DLGAP5: variants seen among roughly 807,000 people sequenced by gnomAD.
DLGAP5 encodes the protein DLG associated protein 5.
DLGAP5 carries 90 observed loss-of-function variants against 99.6 expected under a neutral mutation model. The observed-to-expected ratio is 0.90, with a 90% CI of 0.76 to 1.08. The LOEUF (loss-of-function observed/expected upper bound fraction) is 1.08, where lower values mean the gene tolerates loss of function less well. Ranked by LOEUF, DLGAP5 falls within the 50% of genes least tolerant of loss-of-function variation. DLGAP5 has a pLI of 0.00. For missense variants in DLGAP5, 1,036 were observed against 983.5 expected, an observed-to-expected ratio of 1.05 and a Z score of -0.71; for synonymous variants, 311 against 321.3, an observed-to-expected ratio of 0.97 and a Z score of 0.34.
At chr14:55,188,201 A>G (rs1022429662) in intron 2 of DLGAP5, among the ~76,000 whole-genome samples, 1 of 152,172 alleles carries the variant, frequency 6.6e-6, no homozygotes, top group African/African-American at 2.4e-5. Flanking sequence ...ATATGAACAC[A>G]ACAAATAGGA....
At chr14:55,158,314 A>T (rs773127703) in intron 14 of DLGAP5, among the ~76,000 whole-genome samples, 3 of 152,220 alleles carry the variant, frequency 2.0e-5, no homozygotes, top group Non-Finnish European at 2.9e-5. Context: ...GACTTATCGC[A>T]CTTAAACTAA....
chr14:55,170,654 C>T, intron 11 of DLGAP5, 48 bp downstream of exon 11: 1 of 1,434,176 alleles, frequency 7.0e-7, no homozygotes, highest in Non-Finnish European at 9.8e-7. Context: ...ATAAACGTAA[C>T]CATAGTAAAA....
At chr14:55,161,228 C>T (rs997712661) in intron 13 of DLGAP5, among the ~76,000 whole-genome samples, 13 of 151,944 alleles carry the variant, frequency 8.6e-5, no homozygotes, top group Admixed American at 8.5e-4. Flanking sequence ...AGGACATAGC[C>T]ATGATCTGCA....
At chr14:55,189,902 G>C (rs1883553499) in intron 1 of DLGAP5, among the ~76,000 whole-genome samples, 1 of 152,136 alleles carries the variant, frequency 6.6e-6, no homozygotes, top group South Asian at 2.1e-4. Flanking sequence ...AGGTTGTGAG[G>C]TGGGGCTGAA....
intron 6 of DLGAP5, 59 bp from the exon 7 acceptor site, chr14:55,179,758 G>A (rs951881612): frequency 2.2e-6 from 3 of 1,388,236 alleles, no homozygotes; most frequent in African/African-American, 2.9e-5. Context: ...AAAATACTAG[G>A]TAACTTGGGA....
In DLGAP5 at chr14:55,181,271, T is replaced by A; in HGVS notation, c.522A>T (p.Ala174=). ...TKIDNESDVR[A]IRPGPRQTSE... is the part of the protein sequence containing the mutation. Reference sequence around the variant, plus strand: ...AAGTTTGTCTTGGACCAGGTCGGATTGCTCGAACATCACTCTCGTTATCAA... The same window carrying A: ...AAGTTTGTCTTGGACCAGGTCGGATAGCTCGAACATCACTCTCGTTATCAA... The change falls in exon 5 of 19, where the codon GCA becomes GCT. Residue 174 remains alanine (A), a synonymous_variant. Coordinates refer to ENST00000247191, the MANE Select transcript of DLGAP5 (RefSeq NM_014750.5). 2 of 1,614,178 alleles carry A rather than the reference T, an allele frequency of 1.2e-6. No individual in the cohort carries two copies.
At chr14:55,181,965 A>G (rs2139526735) in intron 4 of DLGAP5, among the ~76,000 whole-genome samples, 1 of 152,332 alleles carries the variant, frequency 6.6e-6, no homozygotes, top group Non-Finnish European at 1.5e-5. Context: ...CCTGATAAAG[A>G]GGCATATTAT....
At chr14:55,176,039 A>G in intron 8 of DLGAP5, 21 bp from the exon 9 acceptor site, 1 of 1,592,740 alleles carries the variant, frequency 6.3e-7, no homozygotes, top group Non-Finnish European at 8.6e-7. Context: ...TAGCAAAAAT[A>G]TACTTCATGA....
chr14:55,162,185 T>C (rs74050928), intron 13 of DLGAP5, among the ~76,000 whole-genome samples: 14,202 of 152,132 alleles, frequency 0.093, 1,801 homozygotes, highest in African/African-American at 0.29. Context: ...AGCACAAGAA[T>C]AACAGCATCC....
chr14:55,181,224 TTGTC>T lies in DLGAP5; in HGVS notation c.565_568del (p.Asp189LysfsTer9), dbSNP rs1352260467. On this transcript the variant is annotated frameshift_variant, in exon 5 of 19. Coordinates refer to ENST00000247191, the MANE Select transcript of DLGAP5 (RefSeq NM_014750.5). LOFTEE classifies it high-confidence loss of function. ...GCTAATATTCCTACCTTTTTTCTCT[TTGTC>T]TGACACTTTCTTTTCAGAAGTTTGT... 1.2e-6 allele frequency: 2 copies of T among 1,613,976 alleles called. No individual in the cohort carries two copies. The highest frequency in any genetic ancestry group is 1.7e-6 in the Non-Finnish European group (2 of 1,179,940).
chr14:55,160,826 TA>T (rs1882399470), intron 13 of DLGAP5, among the ~76,000 whole-genome samples: 1 of 152,088 alleles, frequency 6.6e-6, no homozygotes, highest in Non-Finnish European at 1.5e-5. Context: ...TCTAAAGTTA[TA>T]GGGGGGTAAA....
intron 2 of DLGAP5, 51 bp downstream of exon 2, chr14:55,188,891 A>G (rs765201154): frequency 7.0e-7 from 1 of 1,432,718 alleles, no homozygotes; most frequent in Non-Finnish European, 9.6e-7. Flanking sequence ...CATTAAACCA[A>G]CTATTATTCA....
At chr14:55,180,573 A>C (rs1404173291) in intron 6 of DLGAP5, 83 bp downstream of exon 6, 2 of 1,570,426 alleles carry the variant, frequency 1.3e-6, no homozygotes, top group Non-Finnish European at 1.7e-6. Context: ...TCAAAGAAGT[A>C]CTTGTTGATT....
chr14:55,168,834 A>G (rs1282146139), intron 12 of DLGAP5, among the ~76,000 whole-genome samples: 1 of 152,172 alleles, frequency 6.6e-6, no homozygotes, highest in African/African-American at 2.4e-5. Context: ...AGGTCGAATC[A>G]TTATAGACTA....
intron 15 of DLGAP5, among the ~76,000 whole-genome samples, chr14:55,153,724 C>T (rs1354212700): frequency 2.0e-5 from 3 of 151,882 alleles, no homozygotes. Flanking sequence ...GACTCAAATG[C>T]AATTATGAAT....
chr14:55,172,335 A>G (rs912363581), intron 10 of DLGAP5, among the ~76,000 whole-genome samples: 1 of 150,898 alleles, frequency 6.6e-6, no homozygotes, highest in Non-Finnish European at 1.5e-5. Context: ...TTAAAAAAAA[A>G]AATACAAAAA....
At chr14:55,188,184 G>A (rs941418075) in intron 2 of DLGAP5, among the ~76,000 whole-genome samples, 11 of 152,054 alleles carry the variant, frequency 7.2e-5, no homozygotes, top group Non-Finnish European at 1.5e-4. Context: ...AGCTCCTAAC[G>A]CCTGCTATAT....
chr14:55,176,445 C>T (rs976669683), intron 8 of DLGAP5, among the ~76,000 whole-genome samples: 1 of 152,146 alleles, frequency 6.6e-6, no homozygotes, highest in Admixed American at 6.5e-5. Flanking sequence ...AAAGTCGTAT[C>T]TGAGCTAAAG....
At position 55,158,636 on chromosome 14, in the gene DLGAP5, T is replaced by C. The variant is rs369650574; in HGVS notation, c.1759A>G (p.Ile587Val). The C allele has an allele frequency of 6.2e-7, 1 of 1,608,502 alleles. No homozygotes were observed. The highest frequency in any genetic ancestry group is 8.5e-7 in the Non-Finnish European group (1 of 1,175,106). ...AAIKNAMRERIRQEECAETAV... is the reference protein window; with the variant it reads ...AAIKNAMRERVRQEECAETAV... ...GTTTCAGCACATTCTTCCTGCCTAA[T>C]TCTCTCTCTCATTGCATTTTTTATG... The change falls in exon 14 of 19, where the codon ATT (isoleucine) becomes GTT (valine). Residue 587 changes from isoleucine to valine, a missense_variant. By Grantham distance (29) the Ile-to-Val change is conservative. Transcript: ENST00000247191.
Sources: gnomAD v4.1 joint callset for allele counts (sites outside exome capture counted in the v4.1 genomes callset) on GRCh38, gnomAD v4.1.1 for gene constraint, MANE v1.5 for transcripts, NCBI Gene and HGNC (gene_info 2026-07-23, HGNC 2026-07-21) for gene names.